The following CCSER1 variants were observed in gnomAD, a reference collection of about 807,000 sequenced individuals.
CCSER1 encodes serine-rich coiled-coil domain-containing protein 1.
A neutral mutation model predicts 82.0 loss-of-function variants in CCSER1; 41 were observed. The ratio of observed to expected loss-of-function variants is 0.50; its 90% CI spans 0.39 to 0.65. The LOEUF (loss-of-function observed/expected upper bound fraction) is 0.65, where lower values mean the gene tolerates loss of function less well. CCSER1 is among the 30% of genes least tolerant of loss of function. CCSER1 has a pLI of 0.00. For missense variants in CCSER1, 1,119 were observed against 1,064.2 expected, an observed-to-expected ratio of 1.05 and a Z score of -0.72; for synonymous variants, 414 against 383.9, an observed-to-expected ratio of 1.08 and a Z score of -0.92.
At chr4:90,233,607 A>C (rs1745137066) in intron 1 of CCSER1, among the ~76,000 whole-genome samples, 1 of 146,918 alleles carries the variant, frequency 6.8e-6, no homozygotes, top group Non-Finnish European at 1.5e-5. Context: ...CATGTACCCT[A>C]AAACTTAAAG....
chr4:90,390,379 C>T (rs901971318), intron 3 of CCSER1, among the ~76,000 whole-genome samples: 3 of 152,148 alleles, frequency 2.0e-5, no homozygotes, highest in Non-Finnish European at 4.4e-5. Context: ...CAATAGATCC[C>T]ATCACCCAGG....
intron 1 of CCSER1, among the ~76,000 whole-genome samples, chr4:90,270,246 C>T (rs561319894): frequency 1.4e-4 from 21 of 152,152 alleles, no homozygotes; most frequent in Non-Finnish European, 2.2e-4. Context: ...CATTGATAAA[C>T]GTTGATTCGG....
intron 5 of CCSER1, among the ~76,000 whole-genome samples, chr4:90,548,761 C>G (rs1171744096): frequency 6.6e-6 from 1 of 151,438 alleles, no homozygotes; most frequent in Non-Finnish European, 1.5e-5. Flanking sequence ...CACACACACA[C>G]AGACATATAT....
intron 9 of CCSER1, among the ~76,000 whole-genome samples, chr4:91,021,652 C>A (rs1739977907): frequency 1.3e-5 from 2 of 152,062 alleles, no homozygotes; most frequent in Admixed American, 1.3e-4. Flanking sequence ...AGTTACTCAA[C>A]ACTTATGTAT....
intron 10 of CCSER1, among the ~76,000 whole-genome samples, chr4:91,526,185 T>C (rs1034756519): frequency 2.0e-5 from 3 of 152,140 alleles, no homozygotes; most frequent in Admixed American, 1.3e-4. Flanking sequence ...GCCTGCTAGC[T>C]AAAAGCTTCC....
chr4:90,348,474 G>T (rs911996214), intron 3 of CCSER1, among the ~76,000 whole-genome samples: 17 of 151,756 alleles, frequency 1.1e-4, no homozygotes, highest in African/African-American at 3.9e-4. Context: ...ATCTCAATAG[G>T]GCAAATTTTT....
chr4:90,804,440 A>T (rs1757242786), intron 7 of CCSER1, among the ~76,000 whole-genome samples: 2 of 152,134 alleles, frequency 1.3e-5, no homozygotes, highest in Non-Finnish European at 2.9e-5. Flanking sequence ...ACGTCTAGCC[A>T]GTTTTCCCAA....
intron 4 of CCSER1, among the ~76,000 whole-genome samples, chr4:90,423,033 T>C (rs1269527531): frequency 1.3e-5 from 2 of 152,318 alleles, no homozygotes; most frequent in East Asian, 3.9e-4. Context: ...CATCAGTATA[T>C]GCACTGAAAG....
chr4:90,508,109 T>C (rs1770965318), intron 5 of CCSER1, among the ~76,000 whole-genome samples: 1 of 152,098 alleles, frequency 6.6e-6, no homozygotes, highest in Non-Finnish European at 1.5e-5. Context: ...TAATTGTTTA[T>C]CTTTTGGTTG....
intron 6 of CCSER1, among the ~76,000 whole-genome samples, chr4:90,717,440 C>G (rs1367971935): frequency 6.6e-6 from 1 of 152,116 alleles, no homozygotes; most frequent in African/African-American, 2.4e-5. Context: ...TTGAACCAGA[C>G]TAAAGTACAA....
At position 91,601,185 on chromosome 4, in the gene CCSER1, T is replaced by C. The variant is rs750893393; in HGVS notation, c.*2128T>C. On this transcript the variant is annotated 3_prime_UTR_variant, in exon 11 of 11. Coordinates refer to ENST00000509176, the MANE Select transcript of CCSER1 (RefSeq NM_001145065.2). ...TTTGTTTTCCTGGAAGATAGACTTTTGAATTATACTTTATAAAAATAATCT... is the reference window on the plus strand; with the variant it reads ...TTTGTTTTCCTGGAAGATAGACTTTCGAATTATACTTTATAAAAATAATCT... 4.6e-5 allele frequency: 7 copies of C among 152,122 alleles called. No homozygotes were observed. The highest frequency in any genetic ancestry group is 8.8e-5 in the Non-Finnish European group (6 of 67,980). The allele number at this position is 152,122 out of a possible 1,614,324, so 9.4% of individuals were successfully genotyped here.
chr4:91,479,563 G>A (rs1327478990), intron 10 of CCSER1, among the ~76,000 whole-genome samples: 1 of 151,618 alleles, frequency 6.6e-6, no homozygotes. Flanking sequence ...AAATAATACT[G>A]AAATACTATT....
At chr4:90,241,559 ATTCT>A in intron 1 of CCSER1, among the ~76,000 whole-genome samples, 1 of 152,250 alleles carries the variant, frequency 6.6e-6, no homozygotes, top group Non-Finnish European at 1.5e-5. Context: ...TACATCATTT[ATTCT>A]TTCTTAAAAG....
intron 1 of CCSER1, among the ~76,000 whole-genome samples, chr4:90,174,851 T>C (rs1427147336): frequency 1.3e-5 from 2 of 151,940 alleles, no homozygotes; most frequent in Non-Finnish European, 2.9e-5. Context: ...AAAGATTGAT[T>C]GTATCAAGTG....
At chr4:90,978,143 A>G (rs1441918410) in intron 9 of CCSER1, among the ~76,000 whole-genome samples, 1 of 151,674 alleles carries the variant, frequency 6.6e-6, no homozygotes, top group East Asian at 1.9e-4. Context: ...GACTGAACTA[A>G]CAGCAAATGA....
intron 8 of CCSER1, among the ~76,000 whole-genome samples, chr4:90,910,505 C>A (rs1035251235): frequency 6.6e-6 from 1 of 152,090 alleles, no homozygotes; most frequent in East Asian, 1.9e-4. Flanking sequence ...TTAGTTTGTA[C>A]AATCTCTTAT....
intron 9 of CCSER1, among the ~76,000 whole-genome samples, chr4:90,926,701 C>A (rs1729108180): frequency 1.3e-5 from 2 of 151,912 alleles, no homozygotes. Context: ...GGCCTATAAA[C>A]ACCATAGTTT....
chr4:90,581,012 A>G (rs1267723111), intron 5 of CCSER1, among the ~76,000 whole-genome samples: 1 of 152,142 alleles, frequency 6.6e-6, no homozygotes, highest in Non-Finnish European at 1.5e-5. Context: ...ATTCCAAAAT[A>G]TTTTAGTTAT....
intron 8 of CCSER1, among the ~76,000 whole-genome samples, chr4:90,890,199 T>C (rs1267389373): frequency 1.3e-5 from 2 of 152,132 alleles, no homozygotes; most frequent in Non-Finnish European, 2.9e-5. Context: ...GAATGTGACA[T>C]GACATAAAGT....
Sources: allele counts gnomAD v4.1 joint callset (sites outside exome capture counted in the v4.1 genomes callset), GRCh38; gene constraint gnomAD v4.1.1; transcripts MANE v1.5; gene names NCBI Gene and HGNC (gene_info 2026-07-23, HGNC 2026-07-21).